EVC: variants seen among roughly 807,000 people sequenced by gnomAD.
The protein encoded by EVC is EvC ciliary complex subunit 1.
EVC carries 116 observed loss-of-function variants against 118.9 expected under a neutral mutation model. The observed-to-expected ratio is 0.98, with a 90% confidence interval of 0.84 to 1.14. The LOEUF is 1.14. Ranked by LOEUF, EVC falls within the 50% of genes most tolerant of loss-of-function variation. The probability of loss-of-function intolerance (pLI) is 0.00; values close to 1 mark genes in which losing one functional copy is unlikely to be tolerated. For missense variants in EVC, 1,401 were observed against 1,246.4 expected (o/e 1.12, Z -1.87); for synonymous variants, 619 against 534.7 (o/e 1.16, Z -2.18).
rs911386684 is a variant in EVC, at chr4:5,731,319, G to C, written c.385-106G>C. The C allele has an allele frequency of 4.9e-6, 5 of 1,010,390 alleles. No individual in the cohort carries two copies. Among genetic ancestry groups the C allele is most frequent in the Non-Finnish European group, 7.9e-6 (5 of 631,300 alleles). The allele number at this position is 1,010,390 out of a possible 1,614,324, so 62.6% of individuals were successfully genotyped here. Reference sequence around the variant, plus strand: ...CACCCTGGCCAGTCTCCTCCAGGCAGACCTTCCTGTGAGCGGCTAGCGTGA... The same window carrying C: ...CACCCTGGCCAGTCTCCTCCAGGCACACCTTCCTGTGAGCGGCTAGCGTGA... On this transcript the variant is annotated intron_variant, in intron 3 of 20. Coordinates refer to ENST00000264956, the MANE Select transcript of EVC (RefSeq NM_153717.3). The surrounding 1 kb of genome is among the most constrained non-coding windows in gnomAD (Gnocchi z 5.6).
At chr4:5,802,218 TA>T in intron 16 of EVC, 124 bp downstream of exon 16, 1 of 1,355,068 alleles carries the variant, frequency 7.4e-7, no homozygotes, top group East Asian at 2.4e-5. Context: ...TTCAGTGTTT[TA>T]ATGTATTTAT....
At position 5,812,273 on chromosome 4, in the gene EVC, C is replaced by G. The variant is rs1029416461; in HGVS notation, c.*1236C>G. On this transcript the variant is annotated 3_prime_UTR_variant, in exon 21 of 21. Coordinates refer to ENST00000264956, the MANE Select transcript of EVC (RefSeq NM_153717.3). ...TCCAGACCAGCCCCTCACACCACAG[C>G]CAGGAGAGGCCTTTCCCACCGGGAG... is the stretch of plus-strand genomic sequence containing the variant. The G allele has an allele frequency of 7.8e-5, 13 of 166,978 alleles. No homozygotes were observed. Among genetic ancestry groups the G allele is most frequent in the African/African-American group, 2.9e-4 (12 of 41,176 alleles). 10.3% of individuals were successfully genotyped at this position (166,978 alleles called of 1,614,324 possible). A position where few individuals can be genotyped will look rare whatever the true frequency, so the allele number is the denominator to read the frequency against.
At chr4:5,801,867 T>C (rs891808065) in intron 15 of EVC, 83 bp from the exon 16 acceptor site, 67 of 1,497,310 alleles carry the variant, frequency 4.5e-5, no homozygotes, top group Non-Finnish European at 6.0e-5. Flanking sequence ...AACCAGGGCA[T>C]GGGGAGGCAG....
rs773156946 is a variant in EVC, at chr4:5,804,815, T to C, written c.2535T>C (p.His845=). ...GCAGCAGGACGGCAGGTGGCGCTCA[T>C]GAGACCTCCCAGGCGGTCCACCAGA... ...SSGSRTAGGA[H]ETSQAVHQRM... is the part of the protein sequence containing the mutation. The change falls in exon 17 of 21, where the codon CAT becomes CAC. Residue 845 remains histidine (H), a synonymous_variant. Coordinates refer to ENST00000264956, the MANE Select transcript of EVC (RefSeq NM_153717.3). 118 of 1,613,950 alleles carry C rather than the reference T, an allele frequency of 7.3e-5. No individual in the cohort carries two copies. Among genetic ancestry groups the C allele is most frequent in the Non-Finnish European group, 9.9e-5 (117 of 1,180,026 alleles).
In EVC at chr4:5,748,586, A is replaced by G. The variant is rs552568788; in HGVS notation, c.1098+280A>G. On this transcript the variant is annotated intron_variant, in intron 8 of 20. Transcript: ENST00000264956. Reference sequence around the variant, plus strand: ...CATTTATCCATCCATCCATCCACCCATCCATCCATCCATCCACCCATCCAT... The same window carrying G: ...CATTTATCCATCCATCCATCCACCCGTCCATCCATCCATCCACCCATCCAT... Among the ~76,000 whole-genome samples the G allele has an allele frequency of 3.9e-3, 511 of 129,864 alleles. 27 individuals carry two copies. Among genetic ancestry groups the G allele is most frequent in the African/African-American group, 0.014 (483 of 34,006 alleles). The allele number at this position is 129,864 out of a possible 152,430, so 85.2% of individuals were successfully genotyped here.
chr4:5,761,513 TG>T (rs1447747122), intron 11 of EVC, among the ~76,000 whole-genome samples: 3 of 42,438 alleles, frequency 7.1e-5, no homozygotes, highest in East Asian at 7.8e-4. Context: ...GGGGGGTGGT[TG>T]GGGGGTGGGG....
intron 19 of EVC, among the ~76,000 whole-genome samples, chr4:5,809,989 A>G (rs1716622993): frequency 1.3e-5 from 2 of 152,194 alleles, no homozygotes; most frequent in South Asian, 4.1e-4. Context: ...GAACACAGAG[A>G]TCTACTGAAA....
intron 15 of EVC, 149 bp from the exon 16 acceptor site, chr4:5,801,801 T>C (rs2152360679): frequency 1.3e-6 from 1 of 789,712 alleles, no homozygotes. Flanking sequence ...AAACCAGCCA[T>C]GCACTCTCTG....
the EVC span, among the ~76,000 whole-genome samples, chr4:5,822,499 G>C: frequency 3.4e-4 from 52 of 152,162 alleles, 1 homozygote; most frequent in East Asian, 7.9e-3. Flanking sequence ...CTGAAGGGGG[G>C]GGGGGTGGTG....
chr4:5,745,680 T>C (rs1384955657), intron 7 of EVC, among the ~76,000 whole-genome samples: 1 of 152,248 alleles, frequency 6.6e-6, no homozygotes, highest in Admixed American at 6.5e-5. Flanking sequence ...GCATCACTCG[T>C]GAAAGCAAGT....
intron 11 of EVC, among the ~76,000 whole-genome samples, chr4:5,766,700 T>G (rs1732918263): frequency 7.4e-6 from 1 of 135,212 alleles, no homozygotes; most frequent in African/African-American, 2.8e-5. Flanking sequence ...TCGCATCGGC[T>G]CCTGAGGCTT....
chr4:5,752,392 T>A (rs1730516642), intron 8 of EVC, among the ~76,000 whole-genome samples: 1 of 152,120 alleles, frequency 6.6e-6, no homozygotes, highest in African/African-American at 2.4e-5. Flanking sequence ...TCGGCCGTCC[T>A]CAGCAGTCAG....
intron 17 of EVC, among the ~76,000 whole-genome samples, chr4:5,806,675 T>C (rs190562068): frequency 9.0e-4 from 137 of 152,344 alleles, no homozygotes; most frequent in African/African-American, 3.2e-3. Context: ...CTTTCTGATA[T>C]ACTGATTTAT....
intron 2 of EVC, among the ~76,000 whole-genome samples, chr4:5,721,464 C>T (rs1286561954): frequency 6.6e-6 from 1 of 152,142 alleles, no homozygotes; most frequent in African/African-American, 2.4e-5. Flanking sequence ...AAGATTTATA[C>T]AGACAGAAAG....
intron 15 of EVC, 36 bp from the exon 16 acceptor site, chr4:5,801,914 T>C: frequency 1.2e-6 from 2 of 1,609,216 alleles, no homozygotes; most frequent in Middle Eastern, 2.1e-4. Flanking sequence ...CACGTGTGAC[T>C]TCTCTGCTGT....
At chr4:5,817,549 T>C (rs1717903768), downstream of EVC, among the ~76,000 whole-genome samples, 2 of 152,240 alleles carry the variant, frequency 1.3e-5, no homozygotes, top group Admixed American at 1.3e-4. Flanking sequence ...AGGTCTGCAC[T>C]AAGAGAAAAA....
At chr4:5,757,508 T>C (rs1482312534) in intron 11 of EVC, among the ~76,000 whole-genome samples, 2 of 152,232 alleles carry the variant, frequency 1.3e-5, no homozygotes, top group Non-Finnish European at 2.9e-5. Context: ...AAAAGCGTTC[T>C]CTCAAGGTTC....
chr4:5,740,739 G>C (rs1032003609), intron 5 of EVC, among the ~76,000 whole-genome samples: 1 of 152,158 alleles, frequency 6.6e-6, no homozygotes, highest in Admixed American at 6.5e-5. Flanking sequence ...TCCAAACTCA[G>C]CTGAAGACAG....
chr4:5,785,134 A>G (rs1037675499), intron 12 of EVC, among the ~76,000 whole-genome samples: 1 of 152,162 alleles, frequency 6.6e-6, no homozygotes, highest in Admixed American at 6.5e-5. Flanking sequence ...TCCTGATACC[A>G]GAGCCGGTTT....
Sources: allele counts gnomAD v4.1 joint callset (sites outside exome capture counted in the v4.1 genomes callset), GRCh38; gene constraint gnomAD v4.1.1; non-coding constraint Gnocchi (gnomAD v3.1); transcripts MANE v1.5; gene names NCBI Gene and HGNC (gene_info 2026-07-23, HGNC 2026-07-21).